Variants in PAPOLA observed in about 807,000 individuals in gnomAD.
PAPOLA encodes the protein poly(A) polymerase alpha.
In PAPOLA, 15 loss-of-function variants were observed where a neutral mutation model predicts 100.6. The ratio of observed to expected loss-of-function variants is 0.15; its 90% CI spans 0.10 to 0.23. PAPOLA has a LOEUF of 0.23. Among genes scored for constraint, PAPOLA ranks in the 10% least tolerant of loss-of-function variants. PAPOLA has a pLI of 1.00. For synonymous variants in PAPOLA, 293 were observed against 300.0 expected (o/e 0.98, Z 0.24); for missense variants, 533 against 884.2 (o/e 0.60, Z 5.04).
chr14:96,532,114 C>T (rs899306125), intron 7 of PAPOLA: 1 of 1,359,446 alleles, frequency 7.4e-7, no homozygotes, highest in East Asian at 2.9e-5. Context: ...TCAGTGCTTA[C>T]AATAGGAGAT....
rs1405802416 is a variant in PAPOLA, at chr14:96,566,975, C to T, written c.*1925C>T. 1 of 152,506 alleles carries T rather than the reference C, an allele frequency of 6.6e-6. No homozygotes were observed. The highest frequency in any genetic ancestry group is 1.5e-5 in the Non-Finnish European group (1 of 68,012). 9.4% of individuals were successfully genotyped at this position (152,506 alleles called of 1,614,324 possible). A position where few individuals can be genotyped will look rare whatever the true frequency, so the allele number is the denominator to read the frequency against. Reference sequence around the variant, plus strand: ...CCTGGAGATCAGACTGTTGCTTTCGCATGATGTATGTAGTGTCTCATGACT... The same window carrying T: ...CCTGGAGATCAGACTGTTGCTTTCGTATGATGTATGTAGTGTCTCATGACT... On this transcript the variant is annotated 3_prime_UTR_variant, in exon 22 of 22. Coordinates refer to ENST00000216277, the MANE Select transcript of PAPOLA (RefSeq NM_032632.5).
chr14:96,557,206 T>C lies in PAPOLA; in HGVS notation c.2004+793T>C, dbSNP rs560694617. ...GACTACAGGTGCGCACCACCATGCC[T>C]GCCTAATTTAAAAAAAGATTTTTTT... is the stretch of plus-strand genomic sequence containing the variant. On this transcript the variant is annotated intron_variant, in intron 19 of 21. Transcript: ENST00000216277. 3.3e-5 allele frequency among the ~76,000 whole-genome samples: 5 copies of C among 152,140 alleles called. No homozygotes were observed. In the South Asian group the frequency reaches 1.0e-3, roughly 32 times the overall value.
In PAPOLA at chr14:96,565,535, G is replaced by A; in HGVS notation, c.*485G>A. 2 of 408,728 alleles carry A rather than the reference G, an allele frequency of 4.9e-6. No individual in the cohort carries two copies. Among genetic ancestry groups the A allele is most frequent in the Non-Finnish European group, 8.7e-6 (2 of 230,786 alleles). 25.3% of individuals were successfully genotyped at this position (408,728 alleles called of 1,614,324 possible). Reference sequence around the variant, plus strand: ...TAGTCTTCAAATTGGATACTGTTGTGCAGTGGTGTACTGTTATACTTCAGA... The same window carrying A: ...TAGTCTTCAAATTGGATACTGTTGTACAGTGGTGTACTGTTATACTTCAGA... On this transcript the variant is annotated 3_prime_UTR_variant, in exon 22 of 22. Transcript: ENST00000216277.
chr14:96,528,036 G>C, intron 6 of PAPOLA, 30 bp downstream of exon 6: 1 of 1,424,202 alleles, frequency 7.0e-7, no homozygotes, highest in East Asian at 2.3e-5. Flanking sequence ...GACAGTTCTT[G>C]CTATGTGCTG....
intron 1 of PAPOLA, among the ~76,000 whole-genome samples, chr14:96,519,219 C>A (rs1479838437): frequency 6.6e-6 from 1 of 151,932 alleles, no homozygotes; most frequent in East Asian, 1.9e-4. Flanking sequence ...TGAGCCCACA[C>A]CTGGCCTATA....
At chr14:96,562,965 G>A in intron 21 of PAPOLA, 72 bp downstream of exon 21, 1 of 853,352 alleles carries the variant, frequency 1.2e-6, no homozygotes, top group Non-Finnish European at 2.0e-6. Flanking sequence ...GAATTAAAGT[G>A]AGAGTTCATA....
In PAPOLA at chr14:96,548,067, A is replaced by G; in HGVS notation, c.1521+149A>G. 3 of 670,750 alleles carry G rather than the reference A, an allele frequency of 4.5e-6. No homozygotes were observed. The South Asian group carries it at 6.0e-5, about 13-fold the overall frequency. The allele number at this position is 670,750 out of a possible 1,614,324, so 41.5% of individuals were successfully genotyped here. ...ATCTGTTTCATGGAGCAGTTTCATT[A>G]TGTGAAATCTGACTCTAATCAGTTT... is the stretch of plus-strand genomic sequence containing the variant. On this transcript the variant is annotated intron_variant, in intron 16 of 21. Coordinates refer to ENST00000216277, the MANE Select transcript of PAPOLA (RefSeq NM_032632.5).
rs189857444 is a variant in PAPOLA at position 96,507,994 on chromosome 14, G to A, written c.8+5394G>A. 2.6e-5 allele frequency among the ~76,000 whole-genome samples: 4 copies of A among 152,264 alleles called. No individual in the cohort carries two copies. The East Asian group carries it at 7.7e-4, about 29-fold the overall frequency. On this transcript the variant is annotated intron_variant, in intron 1 of 21. Transcript: ENST00000216277. ...AGGTTCAAGTGATTCTCCTGCCTCA[G>A]CCTACCGAGTAGCTGAGATTATAGG...
At chr14:96,547,347 GTTAGTT>G (rs1900473644) in intron 15 of PAPOLA, among the ~76,000 whole-genome samples, 1 of 152,072 alleles carries the variant, frequency 6.6e-6, no homozygotes. Flanking sequence ...TATGTCATTA[GTTAGTT>G]TTATCTTGCA....
chr14:96,505,619 T>G (rs1595489689), intron 1 of PAPOLA, among the ~76,000 whole-genome samples: 1 of 152,210 alleles, frequency 6.6e-6, no homozygotes, highest in East Asian at 1.9e-4. Context: ...GTAGTAGTTT[T>G]ACATCGCCAT....
intron 1 of PAPOLA, among the ~76,000 whole-genome samples, chr14:96,510,384 T>C (rs943422037): frequency 2.0e-5 from 3 of 152,188 alleles, no homozygotes; most frequent in African/African-American, 7.2e-5. Flanking sequence ...TTTCAAGTTG[T>C]ACTTGGCAAG....
intron 17 of PAPOLA, among the ~76,000 whole-genome samples, chr14:96,555,395 G>T (rs1415259581): frequency 6.6e-6 from 1 of 151,572 alleles, no homozygotes; most frequent in Non-Finnish European, 1.5e-5. Flanking sequence ...CTTTTTAAAG[G>T]ATTTTTGTTC....
At chr14:96,540,371 C>G (rs1418170649) in intron 12 of PAPOLA, among the ~76,000 whole-genome samples, 3 of 151,102 alleles carry the variant, frequency 2.0e-5, no homozygotes, top group Admixed American at 1.3e-4. Flanking sequence ...TGTTACAAGT[C>G]ACTGTACTTT....
rs968829240 is a variant in PAPOLA at position 96,532,261 on chromosome 14, GTTTT to G, written c.608-64_608-61del. 3 of 1,402,168 alleles carry G rather than the reference GTTTT, an allele frequency of 2.1e-6. No homozygotes were observed. In the South Asian group the frequency reaches 4.6e-5, roughly 21 times the overall value. The allele number at this position is 1,402,168 out of a possible 1,614,324, so 86.9% of individuals were successfully genotyped here. ...ATTAAACTTTTGATGATTTAATGTTGTTTTTTTTTGTTTTGTTTTGTTTTGTGTG... is the reference window on the plus strand; with the variant it reads ...ATTAAACTTTTGATGATTTAATGTTGTTTTTGTTTTGTTTTGTTTTGTGTG... On this transcript the variant is annotated intron_variant, in intron 7 of 21. Transcript: ENST00000216277.
chr14:96,542,480 TTTTG>T, intron 13 of PAPOLA, 184 bp downstream of exon 13: 1 of 558,514 alleles, frequency 1.8e-6, no homozygotes. Flanking sequence ...CAACTTATTT[TTTTG>T]TTTGCTTTAT....
At chr14:96,514,098 A>G (rs531384136) in intron 1 of PAPOLA, among the ~76,000 whole-genome samples, 4 of 152,068 alleles carry the variant, frequency 2.6e-5, no homozygotes, top group Admixed American at 2.0e-4. Flanking sequence ...TCCAAAGATG[A>G]TCATGCTTTG....
chr14:96,521,160 T>A, intron 3 of PAPOLA, 88 bp downstream of exon 3: 1 of 732,974 alleles, frequency 1.4e-6, no homozygotes, highest in Non-Finnish European at 2.5e-6. Flanking sequence ...CTTATTTGAG[T>A]GGATTTGGAG....
intron 11 of PAPOLA, among the ~76,000 whole-genome samples, chr14:96,536,674 T>A (rs1008716021): frequency 8.5e-5 from 13 of 152,126 alleles, no homozygotes; most frequent in African/African-American, 2.9e-4. Context: ...AGAAACAAAG[T>A]ATATTGGAAA....
chr14:96,545,919 C>A (rs1392137066), intron 15 of PAPOLA, among the ~76,000 whole-genome samples: 1 of 151,990 alleles, frequency 6.6e-6, no homozygotes, highest in African/African-American at 2.4e-5. Flanking sequence ...TTGTTCTGTA[C>A]ATTGCATTCA....
Sources: gnomAD v4.1 joint callset for allele counts (sites outside exome capture counted in the v4.1 genomes callset) on GRCh38, gnomAD v4.1.1 for gene constraint, MANE v1.5 for transcripts, NCBI Gene and HGNC (gene_info 2026-07-23, HGNC 2026-07-21) for gene names.